Variants in KPNA1 observed in about 807,000 individuals in gnomAD.
KPNA1 encodes the protein karyopherin subunit alpha 1.
In KPNA1, 10 loss-of-function variants were observed where a neutral mutation model predicts 70.5. That is an observed-to-expected ratio of 0.14 (90% confidence interval 0.09 to 0.24). KPNA1 has a LOEUF of 0.24. KPNA1 is among the 10% of genes least tolerant of loss of function. The pLI, the probability that KPNA1 is intolerant of heterozygous loss-of-function variation, is 1.00. For missense variants in KPNA1, 397 were observed against 637.9 expected, an observed-to-expected ratio of 0.62 and a Z score of 4.07; for synonymous variants, 192 against 221.9, an observed-to-expected ratio of 0.87 and a Z score of 1.20.
intron 6 of KPNA1, among the ~76,000 whole-genome samples, chr3:122,452,687 G>GA: frequency 7.2e-6 from 1 of 139,198 alleles, no homozygotes; most frequent in Non-Finnish European, 1.6e-5. Context: ...GGGAAGGAGG[G>GA]AGGGAGGGAG....
At chr3:122,487,133 G>A (rs921464929) in intron 2 of KPNA1, among the ~76,000 whole-genome samples, 4 of 152,108 alleles carry the variant, frequency 2.6e-5, no homozygotes, top group African/African-American at 4.8e-5. Context: ...AAAAGCTGTC[G>A]GGCCTCTTTA....
chr3:122,490,446 A>C (rs2076685323), intron 2 of KPNA1, among the ~76,000 whole-genome samples: 1 of 152,196 alleles, frequency 6.6e-6, no homozygotes, highest in African/African-American at 2.4e-5. Context: ...TCCTTCAGGT[A>C]GGAAGGTAAA....
chr3:122,433,715 T>G lies in KPNA1; in HGVS notation c.1196A>C (p.Glu399Ala), dbSNP rs1560016713. 2 of 1,613,806 alleles carry G rather than the reference T, an allele frequency of 1.2e-6. No individual in the cohort carries two copies. Among genetic ancestry groups the G allele is most frequent in the South Asian group, 1.1e-5 (1 of 91,020 alleles). Reference protein sequence around the residue: ...LQTAEFRTRKEAAWAITNATS... With the variant: ...LQTAEFRTRKAAAWAITNATS... ...TGCATTTGTGATGGCCCAAGCTGCT[T>G]CTTTTCTTGTCCGAAATTCAGCAGT... Residue 399 changes from glutamate to alanine, a missense_variant, in exon 12 of 14, where the codon GAA becomes GCA. Physicochemically the swap from Glu to Ala is moderately radical, Grantham distance 107. Coordinates refer to ENST00000344337, the MANE Select transcript of KPNA1 (RefSeq NM_002264.4).
intron 8 of KPNA1, 116 bp downstream of exon 8, chr3:122,451,417 TA>T: frequency 1.6e-6 from 1 of 621,664 alleles, no homozygotes; most frequent in Non-Finnish European, 2.7e-6. Context: ...CAAAAACAGA[TA>T]AAATTCTAAC....
intron 2 of KPNA1, among the ~76,000 whole-genome samples, chr3:122,469,382 C>T (rs983505015): frequency 7.2e-5 from 11 of 152,282 alleles, no homozygotes; most frequent in Middle Eastern, 6.8e-3. Flanking sequence ...TTTACTGAGA[C>T]TCCAGAGGAA....
chr3:122,506,105 T>C (rs2076887822), intron 1 of KPNA1, among the ~76,000 whole-genome samples: 1 of 150,926 alleles, frequency 6.6e-6, no homozygotes, highest in Non-Finnish European at 1.5e-5. Context: ...TAGATCTTTT[T>C]ATATTTTTAT....
At chr3:122,459,294 A>G (rs1365764063) in intron 5 of KPNA1, 4 of 320,530 alleles carry the variant, frequency 1.2e-5, no homozygotes, top group African/African-American at 9.0e-5. Flanking sequence ...AAGGTTATAT[A>G]CCATCTATAT....
At chr3:122,434,670 A>G (rs1417884533) in intron 11 of KPNA1, among the ~76,000 whole-genome samples, 2 of 152,168 alleles carry the variant, frequency 1.3e-5, no homozygotes, top group African/African-American at 2.4e-5. Flanking sequence ...ACCACCTCCC[A>G]GATTACCAAA....
At chr3:122,429,446 CAAAA>C (rs57991855) in intron 12 of KPNA1, among the ~76,000 whole-genome samples, 8 of 58,784 alleles carry the variant, frequency 1.4e-4, no homozygotes, top group African/African-American at 5.3e-4. Context: ...AACTCTGTCT[CAAAA>C]AAAAAAAAAA....
chr3:122,468,049 C>T (rs73190130), intron 2 of KPNA1, among the ~76,000 whole-genome samples: 20,257 of 152,228 alleles, frequency 0.13, 1,423 homozygotes, highest in Middle Eastern at 0.27. Flanking sequence ...ATTCATCAAG[C>T]CATGATGGAG....
chr3:122,426,093 G>T lies in KPNA1; in HGVS notation c.*892C>A, dbSNP rs1225815126. On this transcript the variant is annotated 3_prime_UTR_variant, in exon 14 of 14. Transcript: ENST00000344337. ...ACACTGATTGCATTTGGGAAAATTGGAGGGTTTTTTCGTCCTTAGTTTTTT... is the reference window on the plus strand; with the variant it reads ...ACACTGATTGCATTTGGGAAAATTGTAGGGTTTTTTCGTCCTTAGTTTTTT... 3 of 152,244 alleles carry T rather than the reference G, an allele frequency of 2.0e-5. No individual in the cohort carries two copies. The highest frequency in any genetic ancestry group is 4.4e-5 in the Non-Finnish European group (3 of 68,016). The allele number at this position is 152,244 out of a possible 1,614,324, so 9.4% of individuals were successfully genotyped here. A position where few individuals can be genotyped will look rare whatever the true frequency, so the allele number is the denominator to read the frequency against.
intron 4 of KPNA1, among the ~76,000 whole-genome samples, chr3:122,462,883 G>C (rs973396800): frequency 6.6e-6 from 1 of 151,996 alleles, no homozygotes; most frequent in African/African-American, 2.4e-5. Flanking sequence ...ACTTGCCCAG[G>C]TTGATAACAA....
At chr3:122,454,035 T>C in intron 5 of KPNA1, 34 bp from the exon 6 acceptor site, 1 of 1,462,000 alleles carries the variant, frequency 6.8e-7, no homozygotes, top group Admixed American at 2.2e-5. Context: ...ATTATCTTTT[T>C]AGAATGTAAA....
intron 10 of KPNA1, among the ~76,000 whole-genome samples, chr3:122,437,586 G>A (rs537876740): frequency 1.3e-4 from 20 of 152,264 alleles, no homozygotes; most frequent in African/African-American, 4.3e-4. Flanking sequence ...TCCCAATAGC[G>A]TAAGTCTTCT....
chr3:122,461,477 A>AG (rs2076323468), intron 4 of KPNA1, among the ~76,000 whole-genome samples, 159 bp from the exon 5 acceptor site: 4 of 152,232 alleles, frequency 2.6e-5, no homozygotes, highest in Admixed American at 2.6e-4. Context: ...TATCACTTTG[A>AG]GGACAGGGTA....
At chr3:122,478,894 CAAAAAAAAAAAAA>C (rs57843662) in intron 2 of KPNA1, among the ~76,000 whole-genome samples, 8 of 18,696 alleles carry the variant, frequency 4.3e-4, no homozygotes, top group South Asian at 6.2e-3. Flanking sequence ...AACCTCGTCT[CAAAAAAAAAAAAA>C]AAAAAAAAAA....
intron 5 of KPNA1, among the ~76,000 whole-genome samples, chr3:122,454,338 C>A (rs1250649801): frequency 2.0e-5 from 3 of 152,090 alleles, no homozygotes; most frequent in African/African-American, 7.2e-5. Flanking sequence ...GGCATTATAC[C>A]ATATTTTCTA....
At chr3:122,473,559 T>C (rs1018393015) in intron 2 of KPNA1, among the ~76,000 whole-genome samples, 1 of 152,224 alleles carries the variant, frequency 6.6e-6, no homozygotes, top group East Asian at 1.9e-4. Context: ...TGTAAATTAC[T>C]GGTCCAACAT....
At chr3:122,455,692 A>G (rs2076257439) in intron 5 of KPNA1, among the ~76,000 whole-genome samples, 2 of 152,056 alleles carry the variant, frequency 1.3e-5, no homozygotes, top group African/African-American at 4.8e-5. Flanking sequence ...AGTAGCTGGG[A>G]TTACAGGCAT....
Sources: gnomAD v4.1 joint callset for allele counts (sites outside exome capture counted in the v4.1 genomes callset) on GRCh38, gnomAD v4.1.1 for gene constraint, MANE v1.5 for transcripts, NCBI Gene and HGNC (gene_info 2026-07-23, HGNC 2026-07-21) for gene names.